The following PRKCSH variants were observed in gnomAD, a reference collection of about 807,000 sequenced individuals.
PRKCSH encodes the protein glucosidase 2 subunit beta.
PRKCSH carries 42 observed loss-of-function variants against 79.7 expected under a neutral mutation model. That is an observed-to-expected ratio of 0.53 (90% CI 0.41 to 0.68). The LOEUF (loss-of-function observed/expected upper bound fraction) is 0.68. Ranked by LOEUF, PRKCSH falls within the 30% of genes least tolerant of loss-of-function variation. The pLI is 0.00. For synonymous variants in PRKCSH, 325 were observed against 288.2 expected (o/e 1.13, Z -1.29); for missense variants, 686 against 709.0 (o/e 0.97, Z 0.37).
Position 11,450,800 on chromosome 19 carries a change from GGCCCCAACA to G in PRKCSH, c.*175_*183del, listed in dbSNP as rs1335050783. On this transcript the variant is annotated 3_prime_UTR_variant, in exon 18 of 18. Coordinates refer to ENST00000677123, the MANE Select transcript of PRKCSH (RefSeq NM_001289104.2). The stretch of plus-strand genomic sequence containing the variant: ...CAGGCGGGGCTGGTCCACATTCCCA[GGCCCCAACA>G]GCCTTCAAAGATGGGTAAAGGAGCT... The G allele has an allele frequency of 6.6e-6, 1 of 152,242 alleles. No homozygotes were observed. Among genetic ancestry groups the G allele is most frequent in the Non-Finnish European group, 1.5e-5 (1 of 68,058 alleles). 9.4% of individuals were successfully genotyped at this position (152,242 alleles called of 1,614,324 possible). A position where few individuals can be genotyped will look rare whatever the true frequency, so the allele number is the denominator to read the frequency against.
intron 5 of PRKCSH, among the ~76,000 whole-genome samples, chr19:11,440,063 A>G (rs951294803): frequency 2.6e-5 from 4 of 152,018 alleles, no homozygotes; most frequent in African/African-American, 9.7e-5. Flanking sequence ...AAAAAAACAC[A>G]AAGTCCTATC....
chr19:11,438,204 C>G, intron 5 of PRKCSH, 80 bp downstream of exon 5: 1 of 1,469,082 alleles, frequency 6.8e-7, no homozygotes. Context: ...GGCCCACTCT[C>G]TCTTCTGCTT....
At position 11,447,079 on chromosome 19, in the gene PRKCSH, C is replaced by G. The variant is rs142664324; in HGVS notation, c.768C>G (p.Leu256=). The G allele has an allele frequency of 2.1e-5, 34 of 1,613,884 alleles. No individual in the cohort carries two copies. In the South Asian group the frequency reaches 3.2e-4, roughly 15 times the overall value. ...ACCACCCCCAACACACACAGGCCCT[C>G]CTCAGTGGGGACACACAGACAGACG... ...GALSEAEAQA[L]LSGDTQTDAT... Residue 256 remains leucine (L), a synonymous_variant, in exon 10 of 18, where the codon CTC becomes CTG. Transcript: ENST00000677123. This position sits in a 1 kb window ranked among gnomAD's most constrained non-coding sequence, Gnocchi z 5.6.
intron 3 of PRKCSH, among the ~76,000 whole-genome samples, chr19:11,436,913 A>G (rs1969780722): frequency 6.6e-6 from 1 of 152,218 alleles, no homozygotes; most frequent in African/African-American, 2.4e-5. Context: ...GCTGGAGTAC[A>G]GTGGCATGAT....
chr19:11,435,820 G>C (rs994415035), intron 1 of PRKCSH, 114 bp downstream of exon 1: 6 of 1,374,936 alleles, frequency 4.4e-6, no homozygotes, highest in Non-Finnish European at 5.8e-6. Flanking sequence ...TCTGTTGGCG[G>C]GAATTGGGTC....
In PRKCSH at chr19:11,448,089, A is replaced by T. The variant is rs1158845310; in HGVS notation, c.1127-133A>T. On this transcript the variant is annotated intron_variant, in intron 12 of 17. Transcript: ENST00000677123. The surrounding 1 kb of genome is among the most constrained non-coding windows in gnomAD (Gnocchi z 4.4). ...CTGCTCTATAGCTGGTGAGGCCCTC[A>T]AGGCTGTCGGGGTGAAGTCCTTGGC... is the stretch of plus-strand genomic sequence containing the variant. 3 of 1,023,142 alleles carry T rather than the reference A, an allele frequency of 2.9e-6. No individual in the cohort carries two copies. Among genetic ancestry groups the T allele is most frequent in the African/African-American group, 1.6e-5 (1 of 62,798 alleles). 63.4% of individuals were successfully genotyped at this position (1,023,142 alleles called of 1,614,324 possible). A position where few individuals can be genotyped will look rare whatever the true frequency, so the allele number is the denominator to read the frequency against.
chr19:11,436,090 C>A lies in PRKCSH; in HGVS notation c.-28C>A, dbSNP rs1272328413. ...GCTGTAGGCTTCCTCCCACAGAACCCGTTTCGGGCCTCAGAGCGTCTGGTG... is the reference window on the plus strand; with the variant it reads ...GCTGTAGGCTTCCTCCCACAGAACCAGTTTCGGGCCTCAGAGCGTCTGGTG... On this transcript the variant is annotated 5_prime_UTR_variant, in exon 2 of 18. Coordinates refer to ENST00000677123, the MANE Select transcript of PRKCSH (RefSeq NM_001289104.2). The A allele has an allele frequency of 6.2e-7, 1 of 1,606,082 alleles. No individual in the cohort carries two copies.
In PRKCSH at chr19:11,448,958, C is replaced by T. The variant is rs200333191; in HGVS notation, c.1331C>T (p.Pro444Leu). The T allele has an allele frequency of 3.3e-5, 53 of 1,614,072 alleles. 1 individual carries two copies. In the South Asian group the frequency reaches 4.4e-4, roughly 13 times the overall value. Residue 444 changes from proline (P) to leucine (L), a missense_variant, in exon 15 of 18, where the codon CCC (proline) becomes CTC (leucine). This residue lies in a region of PRKCSH where 137 missense variants were observed against 188.8 expected (regional missense o/e 0.73). Transcript: ENST00000677123. This position sits in a 1 kb window ranked among gnomAD's most constrained non-coding sequence, Gnocchi z 4.4. ...CCCTTCAAGCTTGTCTCGCAGAAAC[C>T]CAAACTCGGGGGCTCTCCCACCAGC... ...LCPFKLVSQK[P>L]KLGGSPTSLG...
intron 6 of PRKCSH, 70 bp from the exon 7 acceptor site, chr19:11,442,316 A>G: frequency 2.0e-6 from 3 of 1,531,056 alleles, no homozygotes; most frequent in Admixed American, 4.0e-5. Context: ...GAGTAGAGGC[A>G]GGGAGGTAGT....
At position 11,448,658 on chromosome 19, in the gene PRKCSH, C is replaced by A. The variant is rs1416131533; in HGVS notation, c.1286+29C>A. Reference sequence around the variant, plus strand: ...CGTCCCAGGAATGCAGGGGCCCCCACTGGCAGGGTGGGAGGCGGGTGGCCC... The same window carrying A: ...CGTCCCAGGAATGCAGGGGCCCCCAATGGCAGGGTGGGAGGCGGGTGGCCC... On this transcript the variant is annotated intron_variant, in intron 14 of 17. Transcript: ENST00000677123. This position sits in a 1 kb window ranked among gnomAD's most constrained non-coding sequence, Gnocchi z 4.4. 4 of 1,600,812 alleles carry A rather than the reference C, an allele frequency of 2.5e-6. No individual in the cohort carries two copies. Among genetic ancestry groups the A allele is most frequent in the East Asian group, 4.5e-5 (2 of 44,814 alleles).
intron 5 of PRKCSH, 36 bp from the exon 6 acceptor site, chr19:11,441,204 C>T (rs746629127): frequency 2.5e-6 from 4 of 1,599,774 alleles, no homozygotes; most frequent in Admixed American, 1.7e-5. Context: ...ATCCTAAGTG[C>T]CCCACTGGTG....
At chr19:11,440,040 TA>T (rs980310241) in intron 5 of PRKCSH, among the ~76,000 whole-genome samples, 6 of 143,318 alleles carry the variant, frequency 4.2e-5, no homozygotes, top group South Asian at 2.2e-4. Flanking sequence ...AGCTAAAAAG[TA>T]AAAAAAAAAC....
intron 7 of PRKCSH, among the ~76,000 whole-genome samples, chr19:11,444,452 C>G (rs546211191): frequency 1.3e-5 from 2 of 152,324 alleles, no homozygotes; most frequent in East Asian, 3.9e-4. Context: ...AGGGACCCCT[C>G]AGGCCCTCAT....
In PRKCSH at chr19:11,448,736, G is replaced by T; in HGVS notation, c.1286+107G>T. 1 of 1,337,406 alleles carries T rather than the reference G, an allele frequency of 7.5e-7. No individual in the cohort carries two copies. 82.8% of individuals were successfully genotyped at this position (1,337,406 alleles called of 1,614,324 possible). Reference sequence around the variant, plus strand: ...GGTTGGGGAACCATCTGCGGGTGGGGCCCGAGAGTGCTGCCTTCCATATTG... The same window carrying T: ...GGTTGGGGAACCATCTGCGGGTGGGTCCCGAGAGTGCTGCCTTCCATATTG... On this transcript the variant is annotated intron_variant, in intron 14 of 17. Coordinates refer to ENST00000677123, the MANE Select transcript of PRKCSH (RefSeq NM_001289104.2). The surrounding 1 kb of genome is among the most constrained non-coding windows in gnomAD (Gnocchi z 4.4).
Position 11,448,348 on chromosome 19 carries a change from C to G in PRKCSH, c.1196+57C>G. 1.9e-6 allele frequency: 3 copies of G among 1,542,460 alleles called. No individual in the cohort carries two copies. The highest frequency in any genetic ancestry group is 2.6e-6 in the Non-Finnish European group (3 of 1,137,400). ...CCCACAGCGACTGCTCCTTGACTCCCAGGGGAGCTGGTGATGGGGAATCAC... is the reference window on the plus strand; with the variant it reads ...CCCACAGCGACTGCTCCTTGACTCCGAGGGGAGCTGGTGATGGGGAATCAC... On this transcript the variant is annotated intron_variant, in intron 13 of 17. Coordinates refer to ENST00000677123, the MANE Select transcript of PRKCSH (RefSeq NM_001289104.2). The surrounding 1 kb of genome is among the most constrained non-coding windows in gnomAD (Gnocchi z 4.4).
intron 7 of PRKCSH, 143 bp downstream of exon 7, chr19:11,442,658 C>A: frequency 7.4e-7 from 1 of 1,344,532 alleles, no homozygotes; most frequent in Non-Finnish European, 1.0e-6. Flanking sequence ...TTGAGGTTCG[C>A]TTGGATTGTG....
At chr19:11,440,318 T>G (rs951309855) in intron 5 of PRKCSH, among the ~76,000 whole-genome samples, 2 of 151,726 alleles carry the variant, frequency 1.3e-5, no homozygotes, top group Admixed American at 1.3e-4. Context: ...TGGCTAATTT[T>G]TTTTTTTGTA....
Position 11,436,513 on chromosome 19 carries a change from T to G in PRKCSH, c.196+8T>G. 1 of 1,594,598 alleles carries G rather than the reference T, an allele frequency of 6.3e-7. No individual in the cohort carries two copies. The highest frequency in any genetic ancestry group is 8.6e-7 in the Non-Finnish European group (1 of 1,163,700). On this transcript the variant is annotated splice_region_variant and intron_variant, in intron 3 of 17. Transcript: ENST00000677123. ...ATGGCTCTGACGAGCCAGGTGAGCCTTTTCTCTGTTCATCCATCAGATGTT... is the reference window on the plus strand; with the variant it reads ...ATGGCTCTGACGAGCCAGGTGAGCCGTTTCTCTGTTCATCCATCAGATGTT...
chr19:11,445,622 C>T, intron 8 of PRKCSH, 149 bp downstream of exon 8: 1 of 785,368 alleles, frequency 1.3e-6, no homozygotes, highest in South Asian at 1.5e-5. Flanking sequence ...GACCCCGCCT[C>T]TTACTCGTGG....
Sources: allele counts gnomAD v4.1 joint callset (sites outside exome capture counted in the v4.1 genomes callset), GRCh38; gene constraint gnomAD v4.1.1; regional missense constraint gnomAD v4.1.1; non-coding constraint Gnocchi (gnomAD v3.1); transcripts MANE v1.5; gene names NCBI Gene and HGNC (gene_info 2026-07-23, HGNC 2026-07-21).